Variants in TUSC3 observed in about 807,000 individuals in gnomAD.
The protein encoded by TUSC3 is dolichyl-diphosphooligosaccharide--protein glycosyltransferase subunit TUSC3.
A neutral mutation model predicts 44.8 loss-of-function variants in TUSC3; 45 were observed. That is an observed-to-expected ratio of 1.00 (90% CI 0.79 to 1.29). TUSC3 has a LOEUF of 1.29. TUSC3 is among the 50% of genes most tolerant of loss of function. The pLI, the probability that TUSC3 is intolerant of heterozygous loss-of-function variation, is 0.00. For missense variants in TUSC3, 519 were observed against 437.9 expected (o/e 1.19, Z -1.65); for synonymous variants, 212 against 152.9 (o/e 1.39, Z -2.85).
intron 1 of TUSC3, among the ~76,000 whole-genome samples, chr8:15,457,015 A>G (rs1585052406): frequency 1.3e-5 from 2 of 152,246 alleles, no homozygotes; most frequent in African/African-American, 4.8e-5. Flanking sequence ...AATGAACTCT[A>G]TAAATTATCA....
the TUSC3 span, among the ~76,000 whole-genome samples, chr8:15,802,692 C>T: frequency 6.6e-6 from 1 of 151,362 alleles, no homozygotes; most frequent in South Asian, 2.1e-4. Flanking sequence ...CAGAAATATG[C>T]CCCTACTGGT....
chr8:15,607,944 A>G (rs1228377676), intron 1 of TUSC3, among the ~76,000 whole-genome samples: 2 of 152,170 alleles, frequency 1.3e-5, no homozygotes, highest in Admixed American at 6.6e-5. Flanking sequence ...TTGAATGCCC[A>G]TATAATTTAC....
chr8:15,798,747 A>T, the TUSC3 span, among the ~76,000 whole-genome samples: 2 of 152,146 alleles, frequency 1.3e-5, no homozygotes, highest in African/African-American at 4.8e-5. Flanking sequence ...CCTCGGGCCA[A>T]CTAAGGCTTG....
chr8:15,514,797 G>C (rs866741497), intron 2 of TUSC3, among the ~76,000 whole-genome samples: 19 of 152,148 alleles, frequency 1.2e-4, no homozygotes, highest in South Asian at 6.2e-4. Flanking sequence ...GCATCAGGTG[G>C]ACCTCAGTTC....
At chr8:15,775,394 T>A in the TUSC3 span, among the ~76,000 whole-genome samples, 1 of 152,042 alleles carries the variant, frequency 6.6e-6, no homozygotes, top group Non-Finnish European at 1.5e-5. Flanking sequence ...TTGCATAATA[T>A]TGTGAATGTA....
At chr8:15,713,752 T>G (rs1290004238) in intron 6 of TUSC3, among the ~76,000 whole-genome samples, 1 of 152,082 alleles carries the variant, frequency 6.6e-6, no homozygotes, top group African/African-American at 2.4e-5. Flanking sequence ...CCCATCCTAG[T>G]GACCTCATTT....
the TUSC3 span, among the ~76,000 whole-genome samples, chr8:15,846,046 G>C: frequency 1.3e-5 from 2 of 152,090 alleles, no homozygotes; most frequent in East Asian, 3.9e-4. Context: ...GAGATCTCGT[G>C]AGACTTATTC....
the TUSC3 span, among the ~76,000 whole-genome samples, chr8:15,812,800 G>C: frequency 6.6e-6 from 1 of 151,872 alleles, no homozygotes; most frequent in African/African-American, 2.4e-5. Flanking sequence ...ATCATATGAA[G>C]AAAGAAAAAA....
rs1459071105 is a variant in TUSC3 at position 15,456,292 on chromosome 8, G to C, written n.92-27094G>C. Reference sequence around the variant, plus strand: ...GCTGTGGTCTCTGTGAATTGATTTTGTTTGTGCAATGGGCAGGCGGAACCT... The same window carrying C: ...GCTGTGGTCTCTGTGAATTGATTTTCTTTGTGCAATGGGCAGGCGGAACCT... On this transcript the variant is annotated intron_variant and non_coding_transcript_variant, in intron 1 of 5. Transcript: ENST00000503191. 3.3e-5 allele frequency among the ~76,000 whole-genome samples: 5 copies of C among 152,106 alleles called. No homozygotes were observed. In the South Asian group the frequency reaches 6.2e-4, roughly 19 times the overall value.
At chr8:15,799,383 T>A in the TUSC3 span, among the ~76,000 whole-genome samples, 1 of 148,376 alleles carries the variant, frequency 6.7e-6, no homozygotes, top group Non-Finnish European at 1.5e-5. Context: ...GGGTGGACAT[T>A]TTTGCTGGCC....
intron 8 of TUSC3, among the ~76,000 whole-genome samples, chr8:15,746,834 A>T (rs1314371950): frequency 6.6e-6 from 1 of 152,122 alleles, no homozygotes; most frequent in African/African-American, 2.4e-5. Context: ...GTAATTAATT[A>T]TAGGTTTTTA....
At chr8:15,461,904 A>G (rs922233645) in intron 1 of TUSC3, among the ~76,000 whole-genome samples, 1 of 152,112 alleles carries the variant, frequency 6.6e-6, no homozygotes, top group African/African-American at 2.4e-5. Flanking sequence ...AAAATACTGT[A>G]TGAAACTATA....
chr8:15,838,425 A>T, the TUSC3 span, among the ~76,000 whole-genome samples: 1 of 152,140 alleles, frequency 6.6e-6, no homozygotes, highest in Non-Finnish European at 1.5e-5. Flanking sequence ...ATTCAACTAT[A>T]TATCATGACT....
intron 1 of TUSC3, among the ~76,000 whole-genome samples, chr8:15,548,811 ACTAG>A (rs1801959436): frequency 6.6e-6 from 1 of 151,854 alleles, no homozygotes; most frequent in African/African-American, 2.4e-5. Context: ...TGTTTTAATA[ACTAG>A]CTATACAACG....
At position 15,448,117 on chromosome 8, in the gene TUSC3, A is replaced by ATATATATATATATATTTATTTATTTATT. The variant is rs1276079521; in HGVS notation, n.91+30815_91+30816insATATATATATATTTATTTATTTATTTAT. Among the ~76,000 whole-genome samples, 91 of 93,756 alleles carry ATATATATATATATATTTATTTATTTATT rather than the reference A, an allele frequency of 9.7e-4. 1 individual carries two copies. Among genetic ancestry groups the ATATATATATATATATTTATTTATTTATT allele is most frequent in the South Asian group, 5.2e-3 (13 of 2,498 alleles). The allele number at this position is 93,756 out of a possible 152,430, so 61.5% of individuals were successfully genotyped here. A position where few individuals can be genotyped will look rare whatever the true frequency, so the allele number is the denominator to read the frequency against. ...TATGGTAGTGTATATACATATATAT[A>ATATATATATATATATTTATTTATTTATT]TATTTATTTATTTATTTTTTAGATG... On this transcript the variant is annotated intron_variant and non_coding_transcript_variant, in intron 1 of 5. Coordinates refer to the TUSC3 transcript ENST00000503191.
chr8:15,594,526 T>A (rs1364308105), intron 1 of TUSC3, among the ~76,000 whole-genome samples: 2 of 152,242 alleles, frequency 1.3e-5, no homozygotes, highest in Non-Finnish European at 2.9e-5. Flanking sequence ...TTGTTCTGGC[T>A]GTGATGCAAG....
At chr8:15,458,554 A>C (rs534996969) in intron 1 of TUSC3, among the ~76,000 whole-genome samples, 1 of 152,272 alleles carries the variant, frequency 6.6e-6, no homozygotes, top group South Asian at 2.1e-4. Flanking sequence ...TTATTTCATT[A>C]TTATAAAAAA....
chr8:15,778,303 T>C, the TUSC3 span, among the ~76,000 whole-genome samples: 1 of 152,258 alleles, frequency 6.6e-6, no homozygotes, highest in African/African-American at 2.4e-5. Flanking sequence ...TTACCAGTAC[T>C]GAAAAACATT....
At chr8:15,456,987 A>G (rs528749607) in intron 1 of TUSC3, among the ~76,000 whole-genome samples, 43 of 152,310 alleles carry the variant, frequency 2.8e-4, no homozygotes, top group Admixed American at 5.2e-4. Flanking sequence ...GAAGATACTC[A>G]TGTTACAGAA....
Sources: gnomAD v4.1 joint callset for allele counts (sites outside exome capture counted in the v4.1 genomes callset) on GRCh38, gnomAD v4.1.1 for gene constraint, MANE v1.5 for transcripts, NCBI Gene and HGNC (gene_info 2026-07-23, HGNC 2026-07-21) for gene names.